The following INPP5A variants were observed in gnomAD, a reference collection of about 807,000 sequenced individuals.
INPP5A encodes inositol polyphosphate-5-phosphatase A, also known as 43 kDa inositol polyphosphate 5-phophatase.
INPP5A carries 14 observed loss-of-function variants against 65.2 expected under a neutral mutation model. The ratio of observed to expected loss-of-function variants is 0.21; its 90% CI spans 0.14 to 0.34. The LOEUF (loss-of-function observed/expected upper bound fraction) is 0.34, where lower values mean the gene tolerates loss of function less well. Among genes scored for constraint, INPP5A ranks in the 10% least tolerant of loss-of-function variants. The pLI, the probability that INPP5A is intolerant of heterozygous loss-of-function variation, is 1.00. For missense variants in INPP5A, 431 were observed against 545.6 expected (o/e 0.79, Z 2.09); for synonymous variants, 207 against 208.3 (o/e 0.99, Z 0.05).
chr10:132,561,105 G>A (rs890581102), intron 1 of INPP5A, among the ~76,000 whole-genome samples: 2 of 146,150 alleles, frequency 1.4e-5, no homozygotes, highest in African/African-American at 5.1e-5. Flanking sequence ...CCAGGCTGGA[G>A]TTCATGGAGT....
intron 4 of INPP5A, among the ~76,000 whole-genome samples, chr10:132,661,135 C>T (rs770747854): frequency 1.3e-5 from 2 of 152,164 alleles, no homozygotes; most frequent in Non-Finnish European, 2.9e-5. Flanking sequence ...TCCCCAGCTG[C>T]ATGCTCCCAC....
Position 132,686,101 on chromosome 10 carries a change from C to T in INPP5A, c.307-4291C>T, listed in dbSNP as rs181433610. ...TTAGCTCCCAGGCTGCCTTCAGAGA[C>T]CAGGGTCCCACCAGTGCAGCCCCAG... On this transcript the variant is annotated intron_variant, in intron 4 of 15. Transcript: ENST00000368594. Among the ~76,000 whole-genome samples the T allele has an allele frequency of 3.0e-4, 45 of 152,354 alleles. 1 individual carries two copies. The East Asian group carries it at 8.7e-3, about 29-fold the overall frequency.
intron 11 of INPP5A, among the ~76,000 whole-genome samples, chr10:132,755,851 C>A (rs569718754): frequency 2.1e-4 from 32 of 152,286 alleles, no homozygotes; most frequent in Non-Finnish European, 3.5e-4. Flanking sequence ...CTGAGGAAGA[C>A]TGGGGAGTGT....
At chr10:132,579,259 G>C (rs1221393934) in intron 1 of INPP5A, among the ~76,000 whole-genome samples, 1 of 152,124 alleles carries the variant, frequency 6.6e-6, no homozygotes, top group East Asian at 1.9e-4. Flanking sequence ...CCGCGGGGCG[G>C]GGTGGCGAGT....
At chr10:132,574,967 T>C (rs1444687279) in intron 1 of INPP5A, among the ~76,000 whole-genome samples, 1 of 152,178 alleles carries the variant, frequency 6.6e-6, no homozygotes, top group African/African-American at 2.4e-5. Flanking sequence ...TAAGGAGCTG[T>C]CTAGCCTGGA....
rs1845551534 is a variant in INPP5A, at chr10:132,707,273, C to T, written c.475-1040C>T. Among the ~76,000 whole-genome samples, 1 of 152,220 alleles carries T rather than the reference C, an allele frequency of 6.6e-6. No individual in the cohort carries two copies. The highest frequency in any genetic ancestry group is 1.5e-5 in the Non-Finnish European group (1 of 68,040). On this transcript the variant is annotated intron_variant, in intron 6 of 15. Coordinates refer to ENST00000368594, the MANE Select transcript of INPP5A (RefSeq NM_005539.5). This position sits in a 1 kb window ranked among gnomAD's most constrained non-coding sequence, Gnocchi z 5.5. The stretch of plus-strand genomic sequence containing the variant: ...TGTCCACCTCCGCCCCCGATGGCGC[C>T]AGGCATATGGCTGCTGCTGGGAACG...
chr10:132,757,358 TTTC>T (rs1247831201), intron 11 of INPP5A, among the ~76,000 whole-genome samples: 1 of 152,238 alleles, frequency 6.6e-6, no homozygotes, highest in Non-Finnish European at 1.5e-5. Context: ...GTGCACGCTT[TTTC>T]TTCTTTAGAC....
In INPP5A at chr10:132,627,760, T is replaced by A. The variant is rs1298234502; in HGVS notation, c.118-18108T>A. ...ATGCCACAGGGCCTCCTCTTCCCCG[T>A]GAAAAGCTTCAGACTTTCTTCATCC... On this transcript the variant is annotated intron_variant, in intron 2 of 15. Coordinates refer to ENST00000368594, the MANE Select transcript of INPP5A (RefSeq NM_005539.5). This position sits in a 1 kb window ranked among gnomAD's most constrained non-coding sequence, Gnocchi z 6.6. 6.6e-6 allele frequency among the ~76,000 whole-genome samples: 1 copy of A among 152,058 alleles called. No homozygotes were observed. The highest frequency in any genetic ancestry group is 1.5e-5 in the Non-Finnish European group (1 of 68,020).
chr10:132,622,219 G>T (rs1158863337), intron 2 of INPP5A, among the ~76,000 whole-genome samples: 1 of 152,234 alleles, frequency 6.6e-6, no homozygotes, highest in Non-Finnish European at 1.5e-5. Flanking sequence ...ACTGATGAAA[G>T]AATCAGAGAA....
In INPP5A at chr10:132,587,962, A is replaced by C. The variant is rs2071567185; in HGVS notation, c.76-19953A>C. On this transcript the variant is annotated intron_variant, in intron 1 of 15. Transcript: ENST00000368594. This position sits in a 1 kb window ranked among gnomAD's most constrained non-coding sequence, Gnocchi z 4.3. Reference sequence around the variant, plus strand: ...GGGAGGCGGAGGTTGCAGTGAGCCAAGATGGCGCCATTGCCCTCCAGCCTG... The same window carrying C: ...GGGAGGCGGAGGTTGCAGTGAGCCACGATGGCGCCATTGCCCTCCAGCCTG... Among the ~76,000 whole-genome samples, 1 of 146,006 alleles carries C rather than the reference A, an allele frequency of 6.8e-6. No homozygotes were observed. The highest frequency in any genetic ancestry group is 1.5e-5 in the Non-Finnish European group (1 of 66,636).
At chr10:132,596,922 C>T (rs1374474290) in intron 1 of INPP5A, among the ~76,000 whole-genome samples, 11 of 12,800 alleles carry the variant, frequency 8.6e-4, no homozygotes, top group Non-Finnish European at 2.1e-3. Context: ...TGCATGTGTG[C>T]GCGCATGTGC....
chr10:132,710,978 T>A (rs1402783812), intron 8 of INPP5A, among the ~76,000 whole-genome samples: 2 of 152,194 alleles, frequency 1.3e-5, no homozygotes, highest in Non-Finnish European at 2.9e-5. Context: ...CCGATGGGCC[T>A]TACTGGAGTT....
At chr10:132,647,561 C>T (rs1003698485) in intron 3 of INPP5A, among the ~76,000 whole-genome samples, 2 of 152,206 alleles carry the variant, frequency 1.3e-5, no homozygotes, top group Admixed American at 6.5e-5. Flanking sequence ...TCACCCAGCT[C>T]GACCCCAAGG....
chr10:132,754,716 G>GC (rs1237957636), intron 11 of INPP5A, among the ~76,000 whole-genome samples: 1 of 152,256 alleles, frequency 6.6e-6, no homozygotes, highest in Non-Finnish European at 1.5e-5. Context: ...CAGGATGCCG[G>GC]CCGAGGAATC....
intron 5 of INPP5A, among the ~76,000 whole-genome samples, chr10:132,695,448 G>A (rs1241336802): frequency 6.6e-6 from 1 of 152,244 alleles, no homozygotes; most frequent in African/African-American, 2.4e-5. Flanking sequence ...AGGCAAGGAT[G>A]CCTCCTCTCC....
intron 12 of INPP5A, among the ~76,000 whole-genome samples, chr10:132,774,999 G>A (rs1232841199): frequency 1.4e-5 from 1 of 71,468 alleles, no homozygotes; most frequent in African/African-American, 5.5e-5. Context: ...AGGGAGGAGA[G>A]AGGGGCAGAG....
chr10:132,775,030 G>A (rs1168106518), intron 12 of INPP5A, among the ~76,000 whole-genome samples: 1 of 9,774 alleles, frequency 1.0e-4, no homozygotes. Flanking sequence ...GGGAGGAGGG[G>A]CAGGGAGGAG....
intron 1 of INPP5A, among the ~76,000 whole-genome samples, chr10:132,560,721 G>T (rs763835359): frequency 2.0e-5 from 3 of 152,146 alleles, no homozygotes; most frequent in Admixed American, 6.6e-5. Context: ...CTCCCAAGCA[G>T]CAGTGTCTCA....
intron 6 of INPP5A, among the ~76,000 whole-genome samples, chr10:132,702,049 C>T (rs965721385): frequency 6.6e-6 from 1 of 152,234 alleles, no homozygotes; most frequent in Admixed American, 6.5e-5. Context: ...AGCCACGGGC[C>T]GTGGAAGTGT....
Sources: allele counts gnomAD v4.1 joint callset (sites outside exome capture counted in the v4.1 genomes callset), GRCh38; gene constraint gnomAD v4.1.1; non-coding constraint Gnocchi (gnomAD v3.1); transcripts MANE v1.5; gene names NCBI Gene and HGNC (gene_info 2026-07-23, HGNC 2026-07-21).